TRAPPC9: variants seen among roughly 807,000 people sequenced by gnomAD.
TRAPPC9 encodes the protein IKK2 binding protein.
TRAPPC9 carries 83 observed loss-of-function variants against 124.0 expected under a neutral mutation model. The observed-to-expected ratio is 0.67, with a 90% confidence interval of 0.56 to 0.80. The LOEUF is 0.80. TRAPPC9 is among the 30% of genes least tolerant of loss of function. The pLI is 0.00. For synonymous variants in TRAPPC9, 638 were observed against 617.5 expected (o/e 1.03, Z -0.49); for missense variants, 1,302 against 1,508.3 (o/e 0.86, Z 2.27).
intron 16 of TRAPPC9, among the ~76,000 whole-genome samples, chr8:140,251,159 T>C (rs1186288163): frequency 1.3e-5 from 2 of 152,174 alleles, no homozygotes; most frequent in East Asian, 3.9e-4. Context: ...GAAACCACGG[T>C]CACCATTCCC....
At chr8:140,218,029 A>G (rs2063240727) in intron 17 of TRAPPC9, among the ~76,000 whole-genome samples, 2 of 152,064 alleles carry the variant, frequency 1.3e-5, no homozygotes, top group South Asian at 4.2e-4. Flanking sequence ...AAAAAAAAAA[A>G]AAGTCATGGC....
At chr8:140,189,808 T>C (rs2062443195) in intron 17 of TRAPPC9, among the ~76,000 whole-genome samples, 1 of 152,212 alleles carries the variant, frequency 6.6e-6, no homozygotes, top group African/African-American at 2.4e-5. Flanking sequence ...ACAAGCCATC[T>C]GGTTTTCAGC....
chr8:140,127,409 A>C (rs2061118621), intron 17 of TRAPPC9, among the ~76,000 whole-genome samples: 1 of 152,258 alleles, frequency 6.6e-6, no homozygotes, highest in African/African-American at 2.4e-5. Context: ...TTAATCATAC[A>C]TCATACCCTA....
chr8:140,398,051 G>C (rs1019515919), intron 6 of TRAPPC9, among the ~76,000 whole-genome samples: 2 of 152,192 alleles, frequency 1.3e-5, no homozygotes, highest in Non-Finnish European at 2.9e-5. Flanking sequence ...TTTATCAGGG[G>C]TTTCTGCTTT....
At chr8:139,773,348 CG>C (rs1188303155) in intron 21 of TRAPPC9, among the ~76,000 whole-genome samples, 1 of 152,232 alleles carries the variant, frequency 6.6e-6, no homozygotes, top group Non-Finnish European at 1.5e-5. Context: ...AAGTTCCCAA[CG>C]GCTGCCAGAG....
At chr8:140,228,290 T>C (rs2131358771) in intron 16 of TRAPPC9, among the ~76,000 whole-genome samples, 1 of 152,336 alleles carries the variant, frequency 6.6e-6, no homozygotes, top group Non-Finnish European at 1.5e-5. Context: ...AGGTAGAATA[T>C]ATTTTAAAGA....
At position 140,345,083 on chromosome 8, in the gene TRAPPC9, A is replaced by G. The variant is rs138481959; in HGVS notation, c.1495+14967T>C. On this transcript the variant is annotated intron_variant, in intron 9 of 22. Transcript: ENST00000438773. ...AGGCAGGGTGGGCGGGTCGACAGTCAGGCCTGCAGCACCCCAGAAGGAAGA... is the reference window on the plus strand; with the variant it reads ...AGGCAGGGTGGGCGGGTCGACAGTCGGGCCTGCAGCACCCCAGAAGGAAGA... Among the ~76,000 whole-genome samples the G allele has an allele frequency of 6.6e-5, 10 of 152,384 alleles. No homozygotes were observed. The East Asian group carries it at 1.7e-3, about 26-fold the overall frequency.
chr8:140,136,244 C>T (rs1243543091), intron 17 of TRAPPC9, among the ~76,000 whole-genome samples: 1 of 152,038 alleles, frequency 6.6e-6, no homozygotes, highest in Non-Finnish European at 1.5e-5. Flanking sequence ...TTTCAGGTTC[C>T]ACTGGAAAAA....
intron 7 of TRAPPC9, among the ~76,000 whole-genome samples, chr8:140,378,026 G>T (rs545445510): frequency 2.6e-5 from 4 of 152,208 alleles, no homozygotes; most frequent in African/African-American, 9.6e-5. Context: ...TGTATTTGGG[G>T]TCTAACATCT....
chr8:140,111,502 C>T (rs2060774853), intron 17 of TRAPPC9, among the ~76,000 whole-genome samples: 1 of 152,226 alleles, frequency 6.6e-6, no homozygotes, highest in Non-Finnish European at 1.5e-5. Context: ...ACTCCCAGCC[C>T]CTTCCCTAAC....
At chr8:139,987,634 A>G (rs149790724) in intron 19 of TRAPPC9, among the ~76,000 whole-genome samples, 124 of 152,262 alleles carry the variant, frequency 8.1e-4, no homozygotes, top group African/African-American at 2.8e-3. Context: ...GATTTTCTGT[A>G]TGTTTGAAGT....
In TRAPPC9 at chr8:139,825,901, C is replaced by T. The variant is rs1310302081; in HGVS notation, c.3055+59978G>A. On this transcript the variant is annotated intron_variant, in intron 21 of 22. Coordinates refer to ENST00000438773, the MANE Select transcript of TRAPPC9 (RefSeq NM_001160372.4). This position sits in a 1 kb window ranked among gnomAD's most constrained non-coding sequence, Gnocchi z 4.6. ...ATATTTCCTGTGCAAAGCGCCATGC[C>T]AGGCTCTGGTGGGGAGAGGTGAGCA... 2.0e-5 allele frequency among the ~76,000 whole-genome samples: 3 copies of T among 152,182 alleles called. No individual in the cohort carries two copies. The highest frequency in any genetic ancestry group is 2.0e-4 in the Admixed American group (3 of 15,284).
chr8:140,432,202 AAAAAG>A (rs1456355224), intron 4 of TRAPPC9, among the ~76,000 whole-genome samples: 6 of 152,190 alleles, frequency 3.9e-5, no homozygotes, highest in Non-Finnish European at 5.9e-5. Context: ...TTGCTGAAAA[AAAAAG>A]GTAACAAATT....
Position 140,419,022 on chromosome 8 carries a change from G to A in TRAPPC9, c.886+7593C>T, listed in dbSNP as rs548412081. On this transcript the variant is annotated intron_variant, in intron 5 of 22. Coordinates refer to ENST00000438773, the MANE Select transcript of TRAPPC9 (RefSeq NM_001160372.4). ...TCAACAAACTAGGCTAACCAGGCGC[G>A]GTGGCTCACGCCTGTAATCCCAACA... Among the ~76,000 whole-genome samples the A allele has an allele frequency of 1.2e-4, 18 of 152,110 alleles. No individual in the cohort carries two copies. The South Asian group carries it at 2.9e-3, about 25-fold the overall frequency.
intron 17 of TRAPPC9, among the ~76,000 whole-genome samples, chr8:140,154,167 C>T (rs1446219777): frequency 2.6e-5 from 4 of 152,102 alleles, no homozygotes; most frequent in Non-Finnish European, 5.9e-5. Context: ...TTTCCTTTCC[C>T]ACGTGCCCTA....
chr8:139,730,914 G>A lies in TRAPPC9; in HGVS notation c.*147C>T, dbSNP rs1563767715. 8.0e-6 allele frequency: 7 copies of A among 875,778 alleles called. No homozygotes were observed. The allele number at this position is 875,778 out of a possible 1,614,324, so 54.3% of individuals were successfully genotyped here. A position where few individuals can be genotyped will look rare whatever the true frequency, so the allele number is the denominator to read the frequency against. ...TGCGTAGCCCAGCAAAGATGCTACA[G>A]GAGGAACAGGAGGAGAGGGCTGGGA... is the stretch of plus-strand genomic sequence containing the variant. On this transcript the variant is annotated 3_prime_UTR_variant, in exon 23 of 23. Coordinates refer to ENST00000438773, the MANE Select transcript of TRAPPC9 (RefSeq NM_001160372.4).
chr8:139,797,714 T>C (rs1017491383), intron 21 of TRAPPC9, among the ~76,000 whole-genome samples: 6 of 152,274 alleles, frequency 3.9e-5, no homozygotes. Flanking sequence ...TTCTTTTGCA[T>C]AAGGATCTCT....
intron 17 of TRAPPC9, among the ~76,000 whole-genome samples, chr8:140,033,657 GGTT>G (rs1840646966): frequency 2.4e-4 from 12 of 49,304 alleles, no homozygotes; most frequent in African/African-American, 4.6e-4. Flanking sequence ...TTCATAATGT[GGTT>G]TTTTTTTTTT....
At chr8:140,380,170 C>A (rs2068560440) in intron 7 of TRAPPC9, among the ~76,000 whole-genome samples, 1 of 152,268 alleles carries the variant, frequency 6.6e-6, no homozygotes. Flanking sequence ...GGAGGAGACA[C>A]ACTTCCCAGC....
Sources: allele counts gnomAD v4.1 joint callset (sites outside exome capture counted in the v4.1 genomes callset), GRCh38; gene constraint gnomAD v4.1.1; non-coding constraint Gnocchi (gnomAD v3.1); transcripts MANE v1.5; gene names NCBI Gene and HGNC (gene_info 2026-07-23, HGNC 2026-07-21).